Variants in COG6 observed in about 807,000 individuals in gnomAD.
The protein encoded by COG6 is conserved oligomeric Golgi complex subunit 6.
COG6 carries 74 observed loss-of-function variants against 88.8 expected under a neutral mutation model. The observed-to-expected ratio is 0.83, with a 90% confidence interval of 0.69 to 1.01. The LOEUF is 1.01. Ranked by LOEUF, COG6 falls within the 50% of genes least tolerant of loss-of-function variation. The pLI, the probability that COG6 is intolerant of heterozygous loss-of-function variation, is 0.00. For synonymous variants in COG6, 286 were observed against 278.7 expected (o/e 1.03, Z -0.26); for missense variants, 800 against 797.9 (o/e 1.00, Z -0.03).
downstream of COG6, among the ~76,000 whole-genome samples, chr13:39,757,427 A>T (rs144122458): frequency 6.6e-6 from 1 of 152,012 alleles, no homozygotes; most frequent in South Asian, 2.1e-4. Context: ...AACTAAACCT[A>T]ATGCAAGAAA....
chr13:39,727,436 A>T (rs1879191211), intron 17 of COG6, 33 bp from the exon 18 acceptor site: 2 of 1,489,828 alleles, frequency 1.3e-6, no homozygotes, highest in Admixed American at 1.7e-5. Flanking sequence ...ACATATATGT[A>T]CTTTATATTT....
intron 18 of COG6, among the ~76,000 whole-genome samples, chr13:39,738,799 C>T (rs1302193509): frequency 4.0e-5 from 6 of 151,860 alleles, no homozygotes; most frequent in African/African-American, 9.7e-5. Context: ...AGAGATAAAA[C>T]GTGACATTTT....
rs1051654666 is a variant in COG6, at chr13:39,679,447, A to AG, written c.541-90dup. 6 of 769,056 alleles carry AG rather than the reference A, an allele frequency of 7.8e-6. No homozygotes were observed. The Admixed American group carries it at 1.1e-4, about 14-fold the overall frequency. 47.6% of individuals were successfully genotyped at this position (769,056 alleles called of 1,614,324 possible). A position where few individuals can be genotyped will look rare whatever the true frequency, so the allele number is the denominator to read the frequency against. ...AAGGCTTCCCTAAAATAGGTGAAAG[A>AG]GTTTGTTTGCCCTTGGTAGTGACCT... On this transcript the variant is annotated intron_variant, in intron 5 of 18. Transcript: ENST00000455146.
intron 13 of COG6, among the ~76,000 whole-genome samples, chr13:39,715,131 T>C (rs1191840618): frequency 1.4e-4 from 22 of 152,008 alleles, no homozygotes; most frequent in Admixed American, 1.4e-3. Context: ...ATGGGTGCAC[T>C]AAAATCTCAG....
intron 18 of COG6, among the ~76,000 whole-genome samples, chr13:39,744,623 A>C (rs1880235260): frequency 6.6e-6 from 1 of 152,238 alleles, no homozygotes; most frequent in South Asian, 2.1e-4. Flanking sequence ...AACAAATGGA[A>C]GAACATTTCA....
intron 18 of COG6, among the ~76,000 whole-genome samples, chr13:39,787,991 C>G (rs1881827518): frequency 6.6e-6 from 1 of 152,064 alleles, no homozygotes; most frequent in South Asian, 2.1e-4. Context: ...TAAAAAGTTG[C>G]AGTTGGCAGA....
At chr13:39,740,389 G>A (rs1304922386) in intron 18 of COG6, among the ~76,000 whole-genome samples, 1 of 152,080 alleles carries the variant, frequency 6.6e-6, no homozygotes, top group Non-Finnish European at 1.5e-5. Context: ...AGCCTAAACT[G>A]AACACTCAGA....
intron 18 of COG6, among the ~76,000 whole-genome samples, chr13:39,744,638 C>T (rs2138133834): frequency 6.6e-6 from 1 of 152,294 alleles, no homozygotes; most frequent in African/African-American, 2.4e-5. Flanking sequence ...ATTTCATGCT[C>T]ATAGATGGGA....
At position 39,658,081 on chromosome 13, in the gene COG6, T is replaced by TA. The variant is rs1491290347; in HGVS notation, c.154-1282dup. The stretch of plus-strand genomic sequence containing the variant: ...CTTGTCACTTTTTTTTTTTTTTTTT[T>TA]ACATCTCCTGCAAATCCACAAACAT... On this transcript the variant is annotated intron_variant, in intron 1 of 18. Coordinates refer to ENST00000455146, the MANE Select transcript of COG6 (RefSeq NM_020751.3). Among the ~76,000 whole-genome samples the TA allele has an allele frequency of 9.3e-5, 13 of 140,288 alleles. No individual in the cohort carries two copies. The South Asian group carries it at 2.5e-3, about 27-fold the overall frequency. The allele number at this position is 140,288 out of a possible 152,430, so 92.0% of individuals were successfully genotyped here. A position where few individuals can be genotyped will look rare whatever the true frequency, so the allele number is the denominator to read the frequency against.
At chr13:39,736,563 T>C (rs112636511) in intron 18 of COG6, among the ~76,000 whole-genome samples, 14 of 152,208 alleles carry the variant, frequency 9.2e-5, no homozygotes, top group African/African-American at 3.1e-4. Flanking sequence ...TAGTGGTGCA[T>C]GCCTGTAATC....
intron 17 of COG6, among the ~76,000 whole-genome samples, chr13:39,725,798 T>C (rs923395831): frequency 2.6e-5 from 4 of 151,924 alleles, no homozygotes; most frequent in Non-Finnish European, 5.9e-5. Context: ...TTAAAAGATA[T>C]GTTTTTAGAA....
intron 3 of COG6, 149 bp from the exon 4 acceptor site, chr13:39,664,947 A>G (rs1875154048): frequency 1.7e-6 from 1 of 603,880 alleles, no homozygotes; most frequent in Non-Finnish European, 3.0e-6. Context: ...GAGCCTTGAA[A>G]CATCTACGTA....
chr13:39,727,430 A>T, intron 17 of COG6, 39 bp from the exon 18 acceptor site: 1 of 1,440,352 alleles, frequency 6.9e-7, no homozygotes, highest in Non-Finnish European at 9.8e-7. Context: ...GTTAGCACAT[A>T]TATGTACTTT....
chr13:39,787,395 G>T (rs1332531199), intron 18 of COG6, among the ~76,000 whole-genome samples: 1 of 151,766 alleles, frequency 6.6e-6, no homozygotes, highest in East Asian at 1.9e-4. Flanking sequence ...TGGTGTGTGT[G>T]GTGTGTGTGT....
Position 39,727,494 on chromosome 13 carries a change from C to T in COG6, c.1772C>T (p.Ala591Val). The change falls in exon 18 of 19, where the codon GCC becomes GTC. Residue 591 changes from alanine to valine, a missense_variant. By Grantham distance (64) the Ala-to-Val change is moderately conservative. Coordinates refer to ENST00000455146, the MANE Select transcript of COG6 (RefSeq NM_020751.3). The part of the protein sequence containing the change: ...AMVQFDRYLS[A>V]PDNLLIPQLN... ...GTTCAGTTTGATCGTTATCTGTCAG[C>T]CCCAGACAACCTATTGATACCACAG... 1.2e-6 allele frequency: 2 copies of T among 1,612,958 alleles called. No homozygotes were observed. Among genetic ancestry groups the T allele is most frequent in the Non-Finnish European group, 1.7e-6 (2 of 1,179,130 alleles).
intron 5 of COG6, chr13:39,677,964 GCCTTCTACCCACTCTGTCT>G: frequency 2.8e-6 from 1 of 356,408 alleles, no homozygotes; most frequent in South Asian, 2.2e-5. Context: ...TGAGGATTTA[GCCTTCTACCCACTCTGTCT>G]CCTCCCCCAA....
chr13:39,667,718 C>T (rs1363936309), intron 4 of COG6, among the ~76,000 whole-genome samples: 1 of 152,004 alleles, frequency 6.6e-6, no homozygotes, highest in African/African-American at 2.4e-5. Flanking sequence ...CAGAATCAAG[C>T]TTTTAAGAAA....
At chr13:39,706,269 A>ATG (rs1198753364) in intron 13 of COG6, among the ~76,000 whole-genome samples, 1 of 143,466 alleles carries the variant, frequency 7.0e-6, no homozygotes, top group Non-Finnish European at 1.5e-5. Flanking sequence ...ATATATATAT[A>ATG]TATATATATT....
chr13:39,659,655 C>T (rs1874771775), intron 2 of COG6, 148 bp downstream of exon 2: 1 of 641,540 alleles, frequency 1.6e-6, no homozygotes. Flanking sequence ...CTTGCTGCAT[C>T]TAGATCTTTA....
Sources: allele counts gnomAD v4.1 joint callset (sites outside exome capture counted in the v4.1 genomes callset), GRCh38; gene constraint gnomAD v4.1.1; transcripts MANE v1.5; gene names NCBI Gene and HGNC (gene_info 2026-07-23, HGNC 2026-07-21).